The following CDK5RAP2 variants were observed in gnomAD, a reference collection of about 807,000 sequenced individuals.
CDK5RAP2 encodes the protein CDK5 regulatory subunit associated protein 2.
In CDK5RAP2, 147 loss-of-function variants were observed where a neutral mutation model predicts 232.9. The observed-to-expected ratio is 0.63, with a 90% CI of 0.55 to 0.72. CDK5RAP2 has a LOEUF of 0.72. Ranked by LOEUF, CDK5RAP2 falls within the 30% of genes least tolerant of loss-of-function variation. CDK5RAP2 has a pLI of 0.00. For missense variants in CDK5RAP2, 2,195 were observed against 2,231.5 expected, an observed-to-expected ratio of 0.98 and a Z score of 0.33; for synonymous variants, 833 against 833.7, an observed-to-expected ratio of 1.00 and a Z score of 0.01.
At chr9:120,460,044 C>T (rs2036997109) in intron 19 of CDK5RAP2, among the ~76,000 whole-genome samples, 1 of 152,122 alleles carries the variant, frequency 6.6e-6, no homozygotes, top group Non-Finnish European at 1.5e-5. Flanking sequence ...GTGAGATTCT[C>T]ACAATGCCCA....
intron 7 of CDK5RAP2, among the ~76,000 whole-genome samples, chr9:120,530,440 A>C (rs1258297309): frequency 6.6e-6 from 1 of 152,138 alleles, no homozygotes; most frequent in Non-Finnish European, 1.5e-5. Flanking sequence ...TGGACTACTA[A>C]TTTCTTTGGC....
At chr9:120,406,940 C>T (rs2033484311) in intron 32 of CDK5RAP2, 72 bp downstream of exon 32, 2 of 1,143,852 alleles carry the variant, frequency 1.7e-6, no homozygotes, top group Non-Finnish European at 2.6e-6. Context: ...AGGCATCATT[C>T]AGAAGTTCAC....
intron 29 of CDK5RAP2, 124 bp downstream of exon 29, chr9:120,411,234 G>A: frequency 1.3e-6 from 1 of 754,872 alleles, no homozygotes; most frequent in Non-Finnish European, 2.4e-6. Flanking sequence ...CAATTAAATG[G>A]TGTAAAGCCA....
intron 29 of CDK5RAP2, among the ~76,000 whole-genome samples, chr9:120,410,899 A>C (rs2033806283): frequency 6.6e-6 from 1 of 152,248 alleles, no homozygotes; most frequent in Admixed American, 6.5e-5. Context: ...GCCAAGCTCC[A>C]AATAGAAGGA....
intron 12 of CDK5RAP2, among the ~76,000 whole-genome samples, chr9:120,504,499 C>A (rs1375666977): frequency 6.6e-6 from 1 of 152,188 alleles, no homozygotes; most frequent in Non-Finnish European, 1.5e-5. Context: ...AGACAGCTCC[C>A]TACCCCGCAT....
intron 14 of CDK5RAP2, among the ~76,000 whole-genome samples, chr9:120,481,732 C>G (rs779891140): frequency 1.4e-4 from 22 of 152,184 alleles, no homozygotes; most frequent in Middle Eastern, 3.4e-3. Context: ...AGGATGGTTG[C>G]GAACTCCTGA....
At chr9:120,405,376 A>T (rs1376830136) in intron 32 of CDK5RAP2, among the ~76,000 whole-genome samples, 1 of 152,194 alleles carries the variant, frequency 6.6e-6, no homozygotes. Context: ...GCCAGGCATG[A>T]TGAGGGCTGC....
chr9:120,408,330 G>A lies in CDK5RAP2; in HGVS notation c.4726+17C>T. 6.2e-7 allele frequency: 1 copy of A among 1,613,694 alleles called. No homozygotes were observed. The highest frequency in any genetic ancestry group is 8.5e-7 in the Non-Finnish European group (1 of 1,179,972). On this transcript the variant is annotated intron_variant, in intron 31 of 37. Coordinates refer to ENST00000349780, the MANE Select transcript of CDK5RAP2 (RefSeq NM_018249.6). Reference sequence around the variant, plus strand: ...GCCCAAAGCACAGTAGCCTCAAGGTGAGAAGGGCCTCAGTACCTCTCAGTC... The same window carrying A: ...GCCCAAAGCACAGTAGCCTCAAGGTAAGAAGGGCCTCAGTACCTCTCAGTC...
chr9:120,445,911 G>C (rs573968651), intron 22 of CDK5RAP2, among the ~76,000 whole-genome samples: 5 of 152,060 alleles, frequency 3.3e-5, no homozygotes, highest in African/African-American at 9.7e-5. Context: ...CAGGCATCTC[G>C]AGTATGTCCA....
chr9:120,491,670 A>G (rs2038916011), intron 12 of CDK5RAP2, among the ~76,000 whole-genome samples, 193 bp from the exon 13 acceptor site: 1 of 152,230 alleles, frequency 6.6e-6, no homozygotes, highest in African/African-American at 2.4e-5. Context: ...AAATTTGGCA[A>G]AAGATTTATG....
At chr9:120,567,983 T>C (rs2042707626) in intron 3 of CDK5RAP2, among the ~76,000 whole-genome samples, 1 of 152,202 alleles carries the variant, frequency 6.6e-6, no homozygotes, top group African/African-American at 2.4e-5. Flanking sequence ...AGTAAGGCCT[T>C]TGACAAATGT....
At chr9:120,578,538 C>G (rs2043123078) in intron 1 of CDK5RAP2, among the ~76,000 whole-genome samples, 1 of 150,596 alleles carries the variant, frequency 6.6e-6, no homozygotes, top group African/African-American at 2.4e-5. Flanking sequence ...TGTCTGCTGC[C>G]CGGGCATAAA....
At position 120,437,291 on chromosome 9, in the gene CDK5RAP2, C is replaced by A; in HGVS notation, c.3955+4G>T. 3 of 1,604,594 alleles carry A rather than the reference C, an allele frequency of 1.9e-6. No individual in the cohort carries two copies. The highest frequency in any genetic ancestry group is 2.6e-6 in the Non-Finnish European group (3 of 1,173,676). On this transcript the variant is annotated splice_donor_region_variant and intron_variant, in intron 25 of 37. Transcript: ENST00000349780. ...TTAAGACTCGCGTACCTCACCCTAC[C>A]TACCGTTGAGAAATAGCTTTTCCAA...
intron 13 of CDK5RAP2, 36 bp from the exon 14 acceptor site, chr9:120,487,473 T>C (rs1162338112): frequency 1.3e-6 from 2 of 1,511,670 alleles, no homozygotes; most frequent in East Asian, 2.3e-5. Context: ...GAAATTGTCA[T>C]CAAGAAAAAA....
chr9:120,558,664 C>G (rs1389562767), intron 3 of CDK5RAP2, among the ~76,000 whole-genome samples: 1 of 152,178 alleles, frequency 6.6e-6, no homozygotes, highest in African/African-American at 2.4e-5. Context: ...AAGCCCTTGT[C>G]TGCCTACAAA....
rs1180415945 is a variant in CDK5RAP2, at chr9:120,524,982, T to C, written c.1092+4A>G. On this transcript the variant is annotated splice_donor_region_variant and intron_variant, in intron 11 of 37. Coordinates refer to ENST00000349780, the MANE Select transcript of CDK5RAP2 (RefSeq NM_018249.6). ...ACAGCCACTTAAGCCAAGTGTACAC[T>C]TACCTGAAATTCCTGGGTCTGTGCT... The C allele has an allele frequency of 1.4e-5, 23 of 1,610,184 alleles. No homozygotes were observed. Among genetic ancestry groups the C allele is most frequent in the Non-Finnish European group, 1.9e-5 (22 of 1,176,514 alleles).
At chr9:120,482,785 G>GA (rs1251816178) in intron 14 of CDK5RAP2, among the ~76,000 whole-genome samples, 1 of 152,206 alleles carries the variant, frequency 6.6e-6, no homozygotes, top group African/African-American at 2.4e-5. Context: ...CTTAAGAGAA[G>GA]AGATTCCTGG....
At chr9:120,461,717 C>T (rs146995444) in intron 18 of CDK5RAP2, among the ~76,000 whole-genome samples, 1 of 152,282 alleles carries the variant, frequency 6.6e-6, no homozygotes, top group Admixed American at 6.5e-5. Context: ...TGGTACATGC[C>T]TGTAGTCCCA....
intron 7 of CDK5RAP2, among the ~76,000 whole-genome samples, chr9:120,532,860 CTACCACCTAGAACACAGTAAGTACTTGA>C (rs2041214876): frequency 6.6e-6 from 1 of 152,220 alleles, no homozygotes; most frequent in African/African-American, 2.4e-5. Flanking sequence ...CATGGAGACT[CTACCACCTAGAACACAGTAAGTACTTGA>C]TACACGTTAA....
Sources: allele counts gnomAD v4.1 joint callset (sites outside exome capture counted in the v4.1 genomes callset), GRCh38; gene constraint gnomAD v4.1.1; transcripts MANE v1.5; gene names NCBI Gene and HGNC (gene_info 2026-07-23, HGNC 2026-07-21).